Variants in GPR55 observed in about 807,000 individuals in gnomAD.
GPR55 encodes G protein-coupled receptor 55, also known as G-protein coupled receptor 55.
GPR55 carries 6 observed loss-of-function variants against 7.9 expected under a neutral mutation model. That is an observed-to-expected ratio of 0.76 (90% CI 0.41 to 1.49). GPR55 has a LOEUF of 1.49. Ranked by LOEUF, GPR55 falls within the 40% of genes most tolerant of loss-of-function variation. The pLI, the probability that GPR55 is intolerant of heterozygous loss-of-function variation, is 0.01. For missense variants in GPR55, 376 were observed against 406.0 expected (o/e 0.93, Z 0.63); for synonymous variants, 183 against 166.8 (o/e 1.10, Z -0.75).
intron 1 of GPR55, among the ~76,000 whole-genome samples, chr2:230,913,775 G>A (rs1300356260): frequency 6.6e-6 from 1 of 152,190 alleles, no homozygotes; most frequent in Non-Finnish European, 1.5e-5. Flanking sequence ...GATGAGAAAA[G>A]CAGGTCAAAG....
intron 1 of GPR55, among the ~76,000 whole-genome samples, chr2:230,949,475 C>A (rs768790508): frequency 1.3e-5 from 2 of 152,232 alleles, no homozygotes; most frequent in East Asian, 1.9e-4. Flanking sequence ...TTTTAAAGTT[C>A]TTGATAGCTA....
chr2:230,933,434 C>T (rs970074922), intron 1 of GPR55, among the ~76,000 whole-genome samples: 1 of 152,208 alleles, frequency 6.6e-6, no homozygotes, highest in South Asian at 2.1e-4. Flanking sequence ...ACACACGGGG[C>T]AGCCCATGGT....
At chr2:230,951,984 T>C (rs1377700518) in intron 1 of GPR55, among the ~76,000 whole-genome samples, 1 of 151,872 alleles carries the variant, frequency 6.6e-6, no homozygotes, top group Non-Finnish European at 1.5e-5. Flanking sequence ...CCCAGGCTGG[T>C]CTCAAACTCC....
In GPR55 at chr2:230,910,505, C is replaced by G; in HGVS notation, c.458G>C (p.Ser153Thr). The stretch of plus-strand genomic sequence containing the variant: ...CCCATGGAAACTGTAGATAGGGATG[C>G]TTCCGGTCCACACCAGGACCCAGAT... ...CTIWVLVWTG[S>T]IPIYSFHGKV... Residue 153 changes from serine (S) to threonine (T), a missense_variant, in exon 2 of 2, where the codon AGC becomes ACC. Coordinates refer to ENST00000650999, the MANE Select transcript of GPR55 (RefSeq NM_005683.4). The surrounding 1 kb of genome is among the most constrained non-coding windows in gnomAD (Gnocchi z 5.4). 1 of 1,614,172 alleles carries G rather than the reference C, an allele frequency of 6.2e-7. No homozygotes were observed. Among genetic ancestry groups the G allele is most frequent in the Non-Finnish European group, 8.5e-7 (1 of 1,180,020 alleles).
At chr2:230,919,079 T>G (rs1222893778) in intron 1 of GPR55, among the ~76,000 whole-genome samples, 1 of 152,156 alleles carries the variant, frequency 6.6e-6, no homozygotes, top group East Asian at 1.9e-4. Flanking sequence ...ATGTTAAGAC[T>G]GTCAGTTAAC....
chr2:230,922,872 T>C (rs1305679525), intron 1 of GPR55, among the ~76,000 whole-genome samples: 2 of 152,198 alleles, frequency 1.3e-5, no homozygotes, highest in African/African-American at 4.8e-5. Flanking sequence ...CCTGGCCTAA[T>C]TTTTTATTTT....
chr2:230,908,966 T>C lies in GPR55; in HGVS notation c.*1037A>G, dbSNP rs993111961. ...CAGGGAGGGACGGCTCCATGGGCAG[T>C]GCCACGGGTGCCAGCTGCCCAGCCA... is the stretch of plus-strand genomic sequence containing the variant. On this transcript the variant is annotated 3_prime_UTR_variant, in exon 2 of 2. Transcript: ENST00000650999. 2.0e-5 allele frequency: 3 copies of C among 152,270 alleles called. No individual in the cohort carries two copies. The highest frequency in any genetic ancestry group is 7.2e-5 in the African/African-American group (3 of 41,434). The allele number at this position is 152,270 out of a possible 1,614,324, so 9.4% of individuals were successfully genotyped here.
At chr2:230,938,254 C>T (rs1350890059) in intron 1 of GPR55, among the ~76,000 whole-genome samples, 1 of 151,396 alleles carries the variant, frequency 6.6e-6, no homozygotes, top group African/African-American at 2.4e-5. Flanking sequence ...CAAGGGCCCC[C>T]TTAACTGCCA....
In GPR55 at chr2:230,910,002, G is replaced by A. The variant is rs370390508; in HGVS notation, c.*1C>T. The A allele has an allele frequency of 4.8e-5, 77 of 1,610,268 alleles. No individual in the cohort carries two copies. The highest frequency in any genetic ancestry group is 2.9e-4 in the South Asian group (26 of 90,726). Reference sequence around the variant, plus strand: ...CTTCCCCTGAACAGGATGTCCTTCCGTTAGCCCCGGGAGATCGTGGTGTCC... The same window carrying A: ...CTTCCCCTGAACAGGATGTCCTTCCATTAGCCCCGGGAGATCGTGGTGTCC... On this transcript the variant is annotated 3_prime_UTR_variant, in exon 2 of 2. Transcript: ENST00000650999. This position sits in a 1 kb window ranked among gnomAD's most constrained non-coding sequence, Gnocchi z 5.4.
Position 230,923,552 on chromosome 2 carries a change from C to T in GPR55, c.-135+1616G>A, listed in dbSNP as rs1187822799. 4.6e-5 allele frequency among the ~76,000 whole-genome samples: 7 copies of T among 151,898 alleles called. No individual in the cohort carries two copies. Among genetic ancestry groups the T allele is most frequent in the African/African-American group, 1.7e-4 (7 of 41,344 alleles). On this transcript the variant is annotated intron_variant, in intron 1 of 1. Transcript: ENST00000650999. This position sits in a 1 kb window ranked among gnomAD's most constrained non-coding sequence, Gnocchi z 4.1. ...GGAACAGGACACAGAGGGGACAGAG[C>T]ACATGACCACAATCTCCCCAATGCC...
At chr2:230,954,037 A>G (rs954398008) in intron 1 of GPR55, among the ~76,000 whole-genome samples, 1 of 152,236 alleles carries the variant, frequency 6.6e-6, no homozygotes, top group East Asian at 1.9e-4. Context: ...TGGAAACCAC[A>G]GCTTCCCACT....
intron 1 of GPR55, among the ~76,000 whole-genome samples, chr2:230,939,599 C>A (rs77778652): frequency 0.017 from 2,518 of 152,244 alleles, 76 homozygotes; most frequent in African/African-American, 0.058. Flanking sequence ...AGCACCTGAG[C>A]AGGAGGCCAG....
chr2:230,956,554 T>C (rs902381273), intron 1 of GPR55, among the ~76,000 whole-genome samples: 21 of 152,190 alleles, frequency 1.4e-4, no homozygotes, highest in African/African-American at 4.6e-4. Flanking sequence ...TAAATATATA[T>C]ACATTTTTGC....
rs1358270008 is a variant in GPR55 at position 230,910,798 on chromosome 2, A to G, written c.165T>C (p.Asp55=). ...FSTFLKNRWP[D]YAATSIYMIN... is the part of the protein sequence containing the mutation. ...TCATGTAGATGGAGGTGGCAGCATA[A>G]TCGGGCCACCTGTTCTTAAGGAAGG... Residue 55 remains aspartate, a synonymous_variant, in exon 2 of 2, where the codon GAT becomes GAC. Coordinates refer to ENST00000650999, the MANE Select transcript of GPR55 (RefSeq NM_005683.4). This position sits in a 1 kb window ranked among gnomAD's most constrained non-coding sequence, Gnocchi z 5.4. The G allele has an allele frequency of 6.2e-7, 1 of 1,614,048 alleles. No homozygotes were observed.
chr2:230,949,529 A>G (rs1205768746), intron 1 of GPR55, among the ~76,000 whole-genome samples: 3 of 152,220 alleles, frequency 2.0e-5, no homozygotes, highest in Non-Finnish European at 4.4e-5. Flanking sequence ...GATTCCATCA[A>G]TTCCCCGGCC....
At chr2:230,941,760 T>C (rs1296009953) in intron 1 of GPR55, among the ~76,000 whole-genome samples, 1 of 152,234 alleles carries the variant, frequency 6.6e-6, no homozygotes, top group Non-Finnish European at 1.5e-5. Context: ...CGGGGTCCCC[T>C]TTATCAGCTC....
chr2:230,940,412 T>C (rs1691207595), intron 1 of GPR55, among the ~76,000 whole-genome samples: 15 of 152,204 alleles, frequency 9.9e-5, no homozygotes, highest in Admixed American at 9.8e-4. Flanking sequence ...CTGTGAATTC[T>C]GAAGCAGCCC....
chr2:230,949,488 G>T (rs7569545), intron 1 of GPR55, among the ~76,000 whole-genome samples: 37,022 of 152,110 alleles, frequency 0.24, 4,850 homozygotes, highest in Non-Finnish European at 0.28. Context: ...GATAGCTATT[G>T]TAAGATTGCC....
chr2:230,950,043 C>T (rs1691376302), intron 1 of GPR55, among the ~76,000 whole-genome samples: 1 of 152,194 alleles, frequency 6.6e-6, no homozygotes, highest in African/African-American at 2.4e-5. Flanking sequence ...ACCATGCTGG[C>T]CAGGCTGAAC....
Sources: gnomAD v4.1 joint callset for allele counts (sites outside exome capture counted in the v4.1 genomes callset) on GRCh38, gnomAD v4.1.1 for gene constraint, Gnocchi (gnomAD v3.1) non-coding constraint, MANE v1.5 for transcripts, NCBI Gene and HGNC (gene_info 2026-07-23, HGNC 2026-07-21) for gene names.